PPP2R5E: variants seen among roughly 807,000 people sequenced by gnomAD.
PPP2R5E encodes the protein serine/threonine-protein phosphatase 2A 56 kDa regulatory subunit epsilon isoform.
Under a neutral mutation model 65.3 loss-of-function variants are expected in PPP2R5E, and 4 were observed. That is an observed-to-expected ratio of 0.06 (90% CI 0.03 to 0.14). The LOEUF is 0.14. PPP2R5E is among the 10% of genes least tolerant of loss of function. The pLI, the probability that PPP2R5E is intolerant of heterozygous loss-of-function variation, is 1.00. For synonymous variants in PPP2R5E, 183 were observed against 187.4 expected (o/e 0.98, Z 0.19); for missense variants, 274 against 556.1 (o/e 0.49, Z 5.10).
Position 63,374,558 on chromosome 14 carries a change from T to C in PPP2R5E, c.*1451A>G, listed in dbSNP as rs1468876754. ...AACTGCATTAGGTAAGTACATACTG[T>C]ACACAAATTTTATCAGCAGTTTACC... On this transcript the variant is annotated 3_prime_UTR_variant, in exon 14 of 14. Transcript: ENST00000337537. 3 of 149,270 alleles carry C rather than the reference T, an allele frequency of 2.0e-5. No individual in the cohort carries two copies. Among genetic ancestry groups the C allele is most frequent in the African/African-American group, 5.0e-5 (2 of 40,216 alleles). 9.2% of individuals were successfully genotyped at this position (149,270 alleles called of 1,614,324 possible).
chr14:63,414,600 T>A (rs1473089011), intron 5 of PPP2R5E, among the ~76,000 whole-genome samples: 2 of 152,180 alleles, frequency 1.3e-5, no homozygotes, highest in Admixed American at 6.5e-5. Flanking sequence ...AGGAAAAAAG[T>A]GTTCCCGGAG....
chr14:63,483,721 A>G (rs991587542), intron 2 of PPP2R5E, among the ~76,000 whole-genome samples: 10 of 152,178 alleles, frequency 6.6e-5, no homozygotes, highest in Admixed American at 5.9e-4. Context: ...AGACGTATTG[A>G]CATTCCCACA....
Position 63,372,324 on chromosome 14 carries a change from A to T in PPP2R5E, c.*3685T>A, listed in dbSNP as rs1883731497. On this transcript the variant is annotated 3_prime_UTR_variant, in exon 14 of 14. Coordinates refer to ENST00000337537, the MANE Select transcript of PPP2R5E (RefSeq NM_006246.5). ...TAAATATAGAGGAATATAAAATGCA[A>T]TGCCAATATACCTACTACAAAAATC... 4 of 152,296 alleles carry T rather than the reference A, an allele frequency of 2.6e-5. No individual in the cohort carries two copies. Among genetic ancestry groups the T allele is most frequent in the Non-Finnish European group, 5.9e-5 (4 of 68,012 alleles). The allele number at this position is 152,296 out of a possible 1,614,324, so 9.4% of individuals were successfully genotyped here. A position where few individuals can be genotyped will look rare whatever the true frequency, so the allele number is the denominator to read the frequency against.
rs1883740721 is a variant in PPP2R5E at position 63,372,499 on chromosome 14, T to C, written c.*3510A>G. On this transcript the variant is annotated 3_prime_UTR_variant, in exon 14 of 14. Transcript: ENST00000337537. ...TGTCACTTTATGATAACATTGGTAA[T>C]AGCATCAAAAGAGAATCTCTTCATT... The C allele has an allele frequency of 6.6e-6, 1 of 151,924 alleles. No homozygotes were observed. Among genetic ancestry groups the C allele is most frequent in the Admixed American group, 6.6e-5 (1 of 15,228 alleles). 9.4% of individuals were successfully genotyped at this position (151,924 alleles called of 1,614,324 possible).
chr14:63,460,435 C>T (rs969344459), intron 2 of PPP2R5E, among the ~76,000 whole-genome samples: 2 of 152,160 alleles, frequency 1.3e-5, no homozygotes, highest in Non-Finnish European at 2.9e-5. Context: ...TAAATAACAG[C>T]AACTAACCCC....
chr14:63,455,359 T>C (rs966996649), intron 2 of PPP2R5E, among the ~76,000 whole-genome samples: 2 of 152,180 alleles, frequency 1.3e-5, no homozygotes, highest in South Asian at 4.1e-4. Context: ...CCTAAATACA[T>C]AGGCTTTCTC....
chr14:63,488,234 G>A (rs1489894533), intron 2 of PPP2R5E, among the ~76,000 whole-genome samples: 2 of 150,780 alleles, frequency 1.3e-5, no homozygotes, highest in Non-Finnish European at 2.9e-5. Context: ...GCCTTGCTCT[G>A]TTGCCCAGGG....
chr14:63,462,846 T>C (rs1214819946), intron 2 of PPP2R5E, among the ~76,000 whole-genome samples: 1 of 152,066 alleles, frequency 6.6e-6, no homozygotes, highest in Non-Finnish European at 1.5e-5. Flanking sequence ...CTCATGCCTG[T>C]AATCCCAGCA....
intron 11 of PPP2R5E, among the ~76,000 whole-genome samples, chr14:63,386,714 G>A (rs1405708787): frequency 1.3e-5 from 2 of 152,072 alleles, no homozygotes; most frequent in Non-Finnish European, 2.9e-5. Flanking sequence ...TTTGAGGTCA[G>A]GAGTTCGAGA....
intron 7 of PPP2R5E, among the ~76,000 whole-genome samples, chr14:63,394,209 A>G (rs1885199557): frequency 2.0e-5 from 3 of 151,502 alleles, no homozygotes; most frequent in Non-Finnish European, 4.4e-5. Flanking sequence ...AGGCCTCCCA[A>G]GTAGCTGGGA....
intron 2 of PPP2R5E, among the ~76,000 whole-genome samples, chr14:63,526,278 G>A (rs1446330256): frequency 1.3e-5 from 2 of 152,202 alleles, no homozygotes; most frequent in Non-Finnish European, 2.9e-5. Context: ...TTCCAGACCA[G>A]TGTGTGTGCT....
At chr14:63,395,121 T>C (rs899292221) in intron 7 of PPP2R5E, 105 bp downstream of exon 7, 4 of 893,854 alleles carry the variant, frequency 4.5e-6, no homozygotes, top group East Asian at 4.9e-5. Flanking sequence ...AGAGACCCAA[T>C]GTACATACAG....
In PPP2R5E at chr14:63,391,829, A is replaced by G. The variant is rs1448245153; in HGVS notation, c.942T>C (p.Cys314=). 6.2e-7 allele frequency: 1 copy of G among 1,613,370 alleles called. No individual in the cohort carries two copies. Among genetic ancestry groups the G allele is most frequent in the Admixed American group, 1.7e-5 (1 of 60,020 alleles). ...AGTAAGCACTTACCTCTTTTTGACT[A>G]CATGTTTTAGGCCAAAATTTCATTA... ...RGLMKFWPKT[C]SQKEVMFLGE... The change falls in exon 10 of 14, where the codon TGT becomes TGC. Residue 314 remains cysteine (C), a synonymous_variant. Transcript: ENST00000337537.
chr14:63,503,429 C>T (rs1411857323), intron 2 of PPP2R5E, among the ~76,000 whole-genome samples: 1 of 152,176 alleles, frequency 6.6e-6, no homozygotes, highest in African/African-American at 2.4e-5. Context: ...GCTCAAAAAG[C>T]ATTTGAACCA....
chr14:63,373,022 T>TG lies in PPP2R5E; in HGVS notation c.*2986dup, dbSNP rs1369207691. On this transcript the variant is annotated 3_prime_UTR_variant, in exon 14 of 14. Coordinates refer to ENST00000337537, the MANE Select transcript of PPP2R5E (RefSeq NM_006246.5). ...AAACTCAACACTGAAGGAAAACAAC[T>TG]GGGGATACTTCACAATGAGAAACAG... 6.6e-6 allele frequency: 1 copy of TG among 151,974 alleles called. No homozygotes were observed. The highest frequency in any genetic ancestry group is 1.5e-5 in the Non-Finnish European group (1 of 67,982). The allele number at this position is 151,974 out of a possible 1,614,324, so 9.4% of individuals were successfully genotyped here.
In PPP2R5E at chr14:63,526,817, A is replaced by G. The variant is rs374775768; in HGVS notation, c.157+12712T>C. Among the ~76,000 whole-genome samples, 23 of 152,290 alleles carry G rather than the reference A, an allele frequency of 1.5e-4. 1 individual carries two copies. Among genetic ancestry groups the G allele is most frequent in the African/African-American group, 5.5e-4 (23 of 41,582 alleles). ...AGCGATCCTCCCACCTCAGCCTCCC[A>G]AAGTGCTAGGTAGGATTACAGGTGT... On this transcript the variant is annotated intron_variant, in intron 2 of 13. Transcript: ENST00000337537.
chr14:63,442,727 TA>T (rs1044651158), intron 3 of PPP2R5E, among the ~76,000 whole-genome samples: 8 of 152,212 alleles, frequency 5.3e-5, no homozygotes, highest in African/African-American at 1.4e-4. Flanking sequence ...TATATATGTA[TA>T]GGGGAAAACA....
At chr14:63,407,538 A>T (rs1886154702) in intron 5 of PPP2R5E, among the ~76,000 whole-genome samples, 1 of 139,862 alleles carries the variant, frequency 7.1e-6, no homozygotes, top group Admixed American at 6.7e-5. Context: ...ATTGATTACA[A>T]CATATATGCT....
At chr14:63,401,722 G>A (rs564337943) in intron 5 of PPP2R5E, among the ~76,000 whole-genome samples, 1 of 152,156 alleles carries the variant, frequency 6.6e-6, no homozygotes, top group Non-Finnish European at 1.5e-5. Flanking sequence ...GGACTGGAGA[G>A]AAAATTTAGA....
Sources: allele counts gnomAD v4.1 joint callset (sites outside exome capture counted in the v4.1 genomes callset), GRCh38; gene constraint gnomAD v4.1.1; transcripts MANE v1.5; gene names NCBI Gene and HGNC (gene_info 2026-07-23, HGNC 2026-07-21).